EYA2: variants seen among roughly 807,000 people sequenced by gnomAD.
EYA2 encodes the protein protein phosphatase EYA2.
In EYA2, 31 loss-of-function variants were observed where a neutral mutation model predicts 69.2. The observed-to-expected ratio is 0.45, with a 90% CI of 0.34 to 0.60. The LOEUF is 0.60. EYA2 is among the 20% of genes least tolerant of loss of function. The probability of loss-of-function intolerance (pLI) is 0.02; values close to 1 mark genes in which losing one functional copy is unlikely to be tolerated. For synonymous variants in EYA2, 257 were observed against 279.4 expected (o/e 0.92, Z 0.80); for missense variants, 622 against 701.2 (o/e 0.89, Z 1.28).
At chr20:46,969,332 C>T (rs6124906) in intron 1 of EYA2, among the ~76,000 whole-genome samples, 1 of 152,188 alleles carries the variant, frequency 6.6e-6, no homozygotes, top group Non-Finnish European at 1.5e-5. Flanking sequence ...ATCCTCCTGC[C>T]TCAGCCTCCC....
chr20:46,956,302 A>G (rs74508447), intron 1 of EYA2, among the ~76,000 whole-genome samples: 2 of 152,354 alleles, frequency 1.3e-5, no homozygotes, highest in South Asian at 2.1e-4. Flanking sequence ...ACAGCTGCAT[A>G]AAATTCCATC....
intron 9 of EYA2, among the ~76,000 whole-genome samples, chr20:47,118,385 G>C (rs1158711411): frequency 6.6e-6 from 1 of 151,976 alleles, no homozygotes; most frequent in Non-Finnish European, 1.5e-5. Context: ...TAGTCACTCT[G>C]TCCCATCCTG....
At chr20:47,091,722 G>C (rs2032092346) in intron 8 of EYA2, among the ~76,000 whole-genome samples, 1 of 152,098 alleles carries the variant, frequency 6.6e-6, no homozygotes. Flanking sequence ...TCCAGCCTGG[G>C]CGACAAATTG....
At chr20:46,979,102 TC>T (rs1239994207) in intron 1 of EYA2, among the ~76,000 whole-genome samples, 1 of 152,204 alleles carries the variant, frequency 6.6e-6, no homozygotes, top group Non-Finnish European at 1.5e-5. Flanking sequence ...CGACTGGCCA[TC>T]TGTCCTCTGC....
chr20:47,003,203 A>T (rs1982486470), intron 3 of EYA2, among the ~76,000 whole-genome samples: 1 of 152,166 alleles, frequency 6.6e-6, no homozygotes, highest in Non-Finnish European at 1.5e-5. Flanking sequence ...TATCTGCTGT[A>T]TGCTTGTGGC....
chr20:46,921,351 A>G lies in EYA2; in HGVS notation c.-11+26364A>G, dbSNP rs140626756. Among the ~76,000 whole-genome samples the G allele has an allele frequency of 1.7e-3, 252 of 152,330 alleles. 2 individuals are homozygous for G. The highest frequency in any genetic ancestry group is 5.7e-3 in the African/African-American group (236 of 41,570). On this transcript the variant is annotated intron_variant, in intron 1 of 15. Transcript: ENST00000327619. ...ATTACAGTTTACAAACAGTCTCCAC[A>G]TTTATTTTCCTCATGTCCATTTGTA...
intron 15 of EYA2, among the ~76,000 whole-genome samples, chr20:47,184,046 G>A (rs978650011): frequency 6.6e-6 from 1 of 152,212 alleles, no homozygotes; most frequent in Non-Finnish European, 1.5e-5. Flanking sequence ...CTCAGCAGAT[G>A]AAACCCAGAA....
chr20:47,113,727 A>G (rs2032815551), intron 9 of EYA2, among the ~76,000 whole-genome samples: 1 of 152,202 alleles, frequency 6.6e-6, no homozygotes. Context: ...AATGCCCAGC[A>G]TCTGCCACCA....
At chr20:46,943,849 C>A (rs1201350490) in intron 1 of EYA2, among the ~76,000 whole-genome samples, 1 of 152,214 alleles carries the variant, frequency 6.6e-6, no homozygotes, top group Non-Finnish European at 1.5e-5. Context: ...TGTAAAAGAA[C>A]TTCTCTGTGG....
At chr20:46,899,677 T>G (rs1983995443) in intron 1 of EYA2, among the ~76,000 whole-genome samples, 1 of 152,086 alleles carries the variant, frequency 6.6e-6, no homozygotes, top group Non-Finnish European at 1.5e-5. Context: ...GTGCCGAGAG[T>G]CAGGTAGCTG....
At chr20:46,996,214 GTATGCACAGACTGAA>G (rs1387047427) in intron 2 of EYA2, among the ~76,000 whole-genome samples, 1 of 152,198 alleles carries the variant, frequency 6.6e-6, no homozygotes, top group Non-Finnish European at 1.5e-5. Context: ...TATGCACTCA[GTATGCACAGACTGAA>G]GCTTTAATTT....
chr20:47,064,429 A>G (rs2031029521), intron 5 of EYA2, among the ~76,000 whole-genome samples: 2 of 152,238 alleles, frequency 1.3e-5, no homozygotes, highest in African/African-American at 4.8e-5. Context: ...CACTGTGAGT[A>G]GTGCTCCTGT....
chr20:46,961,873 T>G (rs1206217446), intron 1 of EYA2, among the ~76,000 whole-genome samples: 1 of 152,206 alleles, frequency 6.6e-6, no homozygotes, highest in Non-Finnish European at 1.5e-5. Context: ...CTGAGAATGG[T>G]GCAGGGGTGA....
chr20:47,115,189 C>T (rs1044176746), intron 9 of EYA2, among the ~76,000 whole-genome samples: 2 of 152,144 alleles, frequency 1.3e-5, no homozygotes, highest in Non-Finnish European at 2.9e-5. Flanking sequence ...CTTCTCCCAC[C>T]TGCCAGAGGG....
intron 5 of EYA2, among the ~76,000 whole-genome samples, chr20:47,054,276 AAATG>A (rs1312120611): frequency 1.3e-5 from 2 of 152,202 alleles, no homozygotes; most frequent in Non-Finnish European, 2.9e-5. Context: ...TTTGTGGAAT[AAATG>A]GCATCTCATT....
intron 1 of EYA2, among the ~76,000 whole-genome samples, chr20:46,966,895 C>G (rs1979821188): frequency 6.6e-6 from 1 of 151,976 alleles, no homozygotes; most frequent in South Asian, 2.1e-4. Flanking sequence ...ATCATCCATA[C>G]TTTTAAGATT....
intron 5 of EYA2, among the ~76,000 whole-genome samples, chr20:47,021,700 G>A (rs1393748625): frequency 4.6e-5 from 7 of 151,396 alleles, no homozygotes; most frequent in African/African-American, 1.7e-4. Context: ...ATTTATGAAG[G>A]GCCAGGGAAC....
intron 9 of EYA2, among the ~76,000 whole-genome samples, chr20:47,112,801 G>A (rs2146542907): frequency 6.6e-6 from 1 of 151,050 alleles, no homozygotes; most frequent in South Asian, 2.1e-4. Flanking sequence ...GGAAGTTGAG[G>A]GACTTGCCTG....
chr20:47,186,143 CAGG>C (rs908366997), intron 15 of EYA2, among the ~76,000 whole-genome samples: 1 of 152,086 alleles, frequency 6.6e-6, no homozygotes, highest in Non-Finnish European at 1.5e-5. Context: ...TAGCACTTAC[CAGG>C]AGATGAACTT....
Sources: allele counts gnomAD v4.1 joint callset (sites outside exome capture counted in the v4.1 genomes callset), GRCh38; gene constraint gnomAD v4.1.1; transcripts MANE v1.5; gene names NCBI Gene and HGNC (gene_info 2026-07-23, HGNC 2026-07-21).